The following GRPR variants were observed in gnomAD, a reference collection of about 807,000 sequenced individuals.
The protein encoded by GRPR is gastrin releasing peptide receptor.
GRPR carries 4 observed loss-of-function variants against 15.6 expected under a neutral mutation model. The ratio of observed to expected loss-of-function variants is 0.26; its 90% CI spans 0.13 to 0.59. The LOEUF (loss-of-function observed/expected upper bound fraction) is 0.59. GRPR is among the 20% of genes least tolerant of loss of function. The pLI, the probability that GRPR is intolerant of heterozygous loss-of-function variation, is 0.90. For synonymous variants in GRPR, 128 were observed against 126.8 expected (o/e 1.01, Z -0.06); for missense variants, 270 against 304.1 (o/e 0.89, Z 0.83).
chrX:16,124,422 TG>T (rs1432382834), intron 1 of GRPR, 56 bp downstream of exon 1: 2 of 1,036,816 alleles, frequency 1.9e-6, no homozygotes, highest in Non-Finnish European at 2.7e-6. Context: ...CCTGGGTAAA[TG>T]AACTACCATG....
Position 16,150,334 on chromosome X carries a change from T to C in GRPR, c.443T>C (p.Ile148Thr). 3 of 1,203,224 alleles carry C rather than the reference T, an allele frequency of 2.5e-6. No individual in the cohort carries two copies. The highest frequency in any genetic ancestry group is 3.4e-6 in the Non-Finnish European group (3 of 887,761). Residue 148 changes from isoleucine to threonine, a missense_variant, in exon 2 of 3, where the codon ATC (isoleucine) becomes ACC (threonine). Transcript: ENST00000380289. ...RYKAIVRPMD[I>T]QASHALMKIC... ...AAAGCCATTGTCCGGCCAATGGATA[T>C]CCAGGCCTCTCATGCCCTGATGAAG...
intron 2 of GRPR, among the ~76,000 whole-genome samples, chrX:16,150,958 A>G (rs1922689398): frequency 2.7e-5 from 3 of 112,428 alleles, no homozygotes; most frequent in Non-Finnish European, 5.6e-5. Context: ...TGAAGCTTTG[A>G]AGCTCATGGG....
At chrX:16,136,318 C>T (rs757112782) in intron 1 of GRPR, among the ~76,000 whole-genome samples, 1 of 112,050 alleles carries the variant, frequency 8.9e-6, no homozygotes, top group East Asian at 2.8e-4. Context: ...ATTCTAAGAG[C>T]TCTTCATAAA....
intron 1 of GRPR, among the ~76,000 whole-genome samples, chrX:16,141,694 C>T (rs373857423): frequency 1.8e-5 from 2 of 112,313 alleles, no homozygotes; most frequent in Non-Finnish European, 3.8e-5. Flanking sequence ...CACATGCTCC[C>T]GGAGAGGTGT....
intron 1 of GRPR, among the ~76,000 whole-genome samples, chrX:16,148,717 C>T (rs368411601): frequency 9.0e-6 from 1 of 111,266 alleles, no homozygotes; most frequent in East Asian, 2.8e-4. Context: ...CTGGCAGATT[C>T]CAACATAGAA....
intron 1 of GRPR, among the ~76,000 whole-genome samples, chrX:16,127,967 TTTTG>T (rs1922318418): frequency 8.9e-6 from 1 of 111,811 alleles, no homozygotes; most frequent in African/African-American, 3.3e-5. Context: ...TTTGGAAGTG[TTTTG>T]TTTGTCTGTT....
At chrX:16,131,132 A>C (rs1029542601) in intron 1 of GRPR, among the ~76,000 whole-genome samples, 6 of 112,451 alleles carry the variant, frequency 5.3e-5, no homozygotes, top group African/African-American at 1.6e-4. Context: ...TGAAACATAG[A>C]GTATAGCCTG....
intron 1 of GRPR, among the ~76,000 whole-genome samples, chrX:16,128,252 C>T (rs1034803683): frequency 6.2e-5 from 7 of 112,342 alleles, no homozygotes; most frequent in Non-Finnish European, 7.5e-5. Flanking sequence ...CAGTGGCTCG[C>T]GCCTGTAATC....
chrX:16,127,261 C>G (rs966982492), intron 1 of GRPR, among the ~76,000 whole-genome samples: 7 of 111,657 alleles, frequency 6.3e-5, no homozygotes, highest in African/African-American at 9.8e-5. Context: ...GCAGTTCCCC[C>G]CTTCACCGGG....
chrX:16,140,655 A>G (rs1054645333), intron 1 of GRPR, among the ~76,000 whole-genome samples: 2 of 112,021 alleles, frequency 1.8e-5, no homozygotes, highest in African/African-American at 6.5e-5. Flanking sequence ...CTTTGGTGGC[A>G]CAGTTCTGGA....
intron 2 of GRPR, among the ~76,000 whole-genome samples, chrX:16,151,761 TGAA>T (rs1922708148): frequency 1.8e-5 from 2 of 112,207 alleles, no homozygotes; most frequent in Admixed American, 9.4e-5. Flanking sequence ...GTTTAGCCAG[TGAA>T]GAAGAACAAA....
chrX:16,152,224 C>G, intron 2 of GRPR, 32 bp from the exon 3 acceptor site: 1 of 1,158,548 alleles, frequency 8.6e-7, no homozygotes, highest in Non-Finnish European at 1.2e-6. Context: ...CCCTTGGTTC[C>G]TCTGTCTCTC....
chrX:16,139,732 G>T (rs752228299), intron 1 of GRPR, among the ~76,000 whole-genome samples: 2 of 111,850 alleles, frequency 1.8e-5, no homozygotes, highest in South Asian at 7.5e-4. Flanking sequence ...ACGCTAGATG[G>T]TCTCTGTTTA....
At chrX:16,133,313 A>AT (rs1922404711) in intron 1 of GRPR, among the ~76,000 whole-genome samples, 1 of 111,630 alleles carries the variant, frequency 9.0e-6, no homozygotes, top group Non-Finnish European at 1.9e-5. Flanking sequence ...TTTTAACTTC[A>AT]TTTAAAATTC....
chrX:16,137,116 T>A, intron 1 of GRPR, among the ~76,000 whole-genome samples: 1 of 111,563 alleles, frequency 9.0e-6, no homozygotes, highest in Non-Finnish European at 1.9e-5. Context: ...TAAGGAATAT[T>A]ATAAAGAAAA....
At position 16,152,438 on chromosome X, in the gene GRPR, C is replaced by G; in HGVS notation, c.948C>G (p.Cys316Trp). ...GCCTCCTGGCCTTCACCAACTCCTGCGTGAACCCCTTTGCCCTCTACCTGC... is the reference window on the plus strand; with the variant it reads ...GCCTCCTGGCCTTCACCAACTCCTGGGTGAACCCCTTTGCCCTCTACCTGC... ...CARLLAFTNS[C>W]VNPFALYLLS... Residue 316 changes from cysteine (C) to tryptophan (W), a missense_variant, in exon 3 of 3, where the codon TGC becomes TGG. Physicochemically the swap from Cys to Trp is radical, Grantham distance 215. Around this residue, in one of 3 missense-constraint regions of GRPR, gnomAD observed 133 missense variants for 123.4 expected, o/e 1.08. Transcript: ENST00000380289. The G allele has an allele frequency of 8.3e-7, 1 of 1,208,474 alleles. No individual in the cohort carries two copies. Among genetic ancestry groups the G allele is most frequent in the Non-Finnish European group, 1.1e-6 (1 of 892,496 alleles).
chrX:16,136,386 T>C (rs192048747), intron 1 of GRPR, among the ~76,000 whole-genome samples: 34 of 111,682 alleles, frequency 3.0e-4, no homozygotes, highest in African/African-American at 1.0e-3. Context: ...TGTATCTTGC[T>C]TCCCCAATTA....
rs773791112 is a variant in GRPR, at chrX:16,152,630, C to T, written c.1140C>T (p.His380=). 111 of 1,207,330 alleles carry T rather than the reference C, an allele frequency of 9.2e-5. No homozygotes were observed. The highest frequency in any genetic ancestry group is 4.6e-4 in the Middle Eastern group (2 of 4,373). The change falls in exon 3 of 3, where the codon CAC becomes CAT. Residue 380 remains histidine, a synonymous_variant. Transcript: ENST00000380289. The stretch of plus-strand genomic sequence containing the variant: ...GCCTCATCAATGGAAACATCTGTCA[C>T]GAGCGGTATGTCTAGATTGACCCTT... The part of the protein sequence containing the change: ...TFSLINGNIC[H]ERYV
chrX:16,140,980 G>T (rs542375025), intron 1 of GRPR, among the ~76,000 whole-genome samples: 2 of 111,694 alleles, frequency 1.8e-5, no homozygotes, highest in Non-Finnish European at 3.8e-5. Flanking sequence ...TGCAGGCTGT[G>T]TCTAACTACA....
Sources: gnomAD v4.1 joint callset for allele counts (sites outside exome capture counted in the v4.1 genomes callset) on GRCh38, gnomAD v4.1.1 for gene constraint, gnomAD v4.1.1 regional missense constraint, MANE v1.5 for transcripts, NCBI Gene and HGNC (gene_info 2026-07-23, HGNC 2026-07-21) for gene names.